The following MCF2L2 variants were observed in gnomAD, a reference collection of about 807,000 sequenced individuals.
MCF2L2 encodes MCF.2 cell line derived transforming sequence-like 2.
MCF2L2 carries 102 observed loss-of-function variants against 150.2 expected under a neutral mutation model. The observed-to-expected ratio is 0.68, with a 90% CI of 0.58 to 0.80. The LOEUF (loss-of-function observed/expected upper bound fraction) is 0.80. Ranked by LOEUF, MCF2L2 falls within the 30% of genes least tolerant of loss-of-function variation. The pLI, the probability that MCF2L2 is intolerant of heterozygous loss-of-function variation, is 0.00. For missense variants in MCF2L2, 1,256 were observed against 1,372.8 expected (o/e 0.91, Z 1.34); for synonymous variants, 465 against 491.3 (o/e 0.95, Z 0.71).
intron 2 of MCF2L2, among the ~76,000 whole-genome samples, chr3:183,384,002 C>T (rs554920381): frequency 6.6e-5 from 10 of 152,284 alleles, no homozygotes; most frequent in East Asian, 5.8e-4. Context: ...TCCCCAGACA[C>T]GCATAACAAC....
At chr3:183,290,873 T>C (rs1577030248) in intron 13 of MCF2L2, among the ~76,000 whole-genome samples, 2 of 152,146 alleles carry the variant, frequency 1.3e-5, no homozygotes, top group African/African-American at 4.8e-5. Context: ...ATGCCATTCA[T>C]TGAATGCCAC....
intron 3 of MCF2L2, among the ~76,000 whole-genome samples, chr3:183,369,761 C>T (rs1031530090): frequency 6.6e-6 from 1 of 152,146 alleles, no homozygotes; most frequent in East Asian, 1.9e-4. Flanking sequence ...CCTCCTCATT[C>T]TTTAGTTGAC....
intron 4 of MCF2L2, among the ~76,000 whole-genome samples, chr3:183,340,151 G>T (rs769998991): frequency 6.6e-6 from 1 of 152,158 alleles, no homozygotes; most frequent in Non-Finnish European, 1.5e-5. Context: ...TTAAATGCAA[G>T]CTCCTAACAG....
intron 16 of MCF2L2, 119 bp downstream of exon 16, chr3:183,230,832 G>T: frequency 1.4e-6 from 1 of 691,044 alleles, no homozygotes. Flanking sequence ...AATATTCTAA[G>T]ACCTGAAACC....
In MCF2L2 at chr3:183,179,518, A is replaced by T; in HGVS notation, c.3222-15T>A. The T allele has an allele frequency of 6.2e-7, 1 of 1,610,492 alleles. No homozygotes were observed. The highest frequency in any genetic ancestry group is 8.5e-7 in the Non-Finnish European group (1 of 1,177,520). On this transcript the variant is annotated splice_polypyrimidine_tract_variant and intron_variant, in intron 29 of 29. Transcript: ENST00000328913. This position sits in a 1 kb window ranked among gnomAD's most constrained non-coding sequence, Gnocchi z 4.2. ...TGCGGGTCGCCCTGCAATTCCGAGA[A>T]GAAAGTCAGAGACGCCGTGGCCCAA...
chr3:183,315,409 G>T (rs1560017874), intron 7 of MCF2L2, among the ~76,000 whole-genome samples: 2 of 152,160 alleles, frequency 1.3e-5, no homozygotes, highest in South Asian at 4.1e-4. Flanking sequence ...TTTTAGAGCT[G>T]CATGGAATAT....
chr3:183,184,256 G>A (rs1721622402), intron 27 of MCF2L2, among the ~76,000 whole-genome samples: 1 of 152,190 alleles, frequency 6.6e-6, no homozygotes, highest in Non-Finnish European at 1.5e-5. Context: ...GATCTCAGGT[G>A]ATCCACCTGC....
rs562142294 is a variant in MCF2L2 at position 183,300,267 on chromosome 3, G to C, written c.1114-71C>G. 4 of 1,369,498 alleles carry C rather than the reference G, an allele frequency of 2.9e-6. 1 individual carries two copies. In the East Asian group the frequency reaches 7.4e-5, roughly 25 times the overall value. 84.8% of individuals were successfully genotyped at this position (1,369,498 alleles called of 1,614,324 possible). On this transcript the variant is annotated intron_variant, in intron 10 of 29. Coordinates refer to ENST00000328913, the MANE Select transcript of MCF2L2 (RefSeq NM_015078.4). The stretch of plus-strand genomic sequence containing the variant: ...ATGAGGCTGAGAGCTGCCTGGTACT[G>C]TGTGCTCCAAGCCTGGAGGGAGGCT...
At chr3:183,231,910 A>G (rs184692273) in intron 15 of MCF2L2, among the ~76,000 whole-genome samples, 1 of 152,298 alleles carries the variant, frequency 6.6e-6, no homozygotes, top group East Asian at 1.9e-4. Flanking sequence ...TGCAGGTGGA[A>G]GATGTGGTGG....
At chr3:183,343,791 C>G (rs188020006) in intron 3 of MCF2L2, among the ~76,000 whole-genome samples, 1 of 152,172 alleles carries the variant, frequency 6.6e-6, no homozygotes, top group East Asian at 1.9e-4. Flanking sequence ...ACTAACTAAT[C>G]AAAGTAAAAA....
chr3:183,204,431 A>G (rs965079558), intron 25 of MCF2L2, among the ~76,000 whole-genome samples: 3 of 151,650 alleles, frequency 2.0e-5, no homozygotes, highest in African/African-American at 4.8e-5. Context: ...AATCACAATG[A>G]GATACTAGTA....
chr3:183,271,041 A>G, intron 15 of MCF2L2: 1 of 1,075,322 alleles, frequency 9.3e-7, no homozygotes, highest in South Asian at 1.9e-5. Flanking sequence ...CGAAAGACAA[A>G]TATTTTGAAA....
At chr3:183,404,401 C>T (rs536212686) in intron 1 of MCF2L2, among the ~76,000 whole-genome samples, 1 of 152,148 alleles carries the variant, frequency 6.6e-6, no homozygotes, top group Non-Finnish European at 1.5e-5. Context: ...GTCATTAGCT[C>T]ATATGTCATA....
intron 14 of MCF2L2, among the ~76,000 whole-genome samples, chr3:183,285,899 C>T (rs1727763258): frequency 6.6e-6 from 1 of 152,180 alleles, no homozygotes; most frequent in African/African-American, 2.4e-5. Flanking sequence ...GTGATGTTGG[C>T]AGCCCGGGGA....
At chr3:183,332,012 C>A (rs139359781) in intron 5 of MCF2L2, among the ~76,000 whole-genome samples, 1 of 152,244 alleles carries the variant, frequency 6.6e-6, no homozygotes, top group African/African-American at 2.4e-5. Flanking sequence ...TCCTTTCCCC[C>A]CAACACGTGA....
chr3:183,412,676 T>C (rs1715376186), intron 1 of MCF2L2, among the ~76,000 whole-genome samples: 1 of 152,210 alleles, frequency 6.6e-6, no homozygotes, highest in Admixed American at 6.5e-5. Context: ...ACAGATAGTT[T>C]TACTCCCTTT....
chr3:183,367,800 G>C (rs1203590573), intron 3 of MCF2L2, among the ~76,000 whole-genome samples: 1 of 152,042 alleles, frequency 6.6e-6, no homozygotes, highest in Non-Finnish European at 1.5e-5. Flanking sequence ...AAAAATGAGA[G>C]AATGAGAGAG....
At chr3:183,318,243 T>C in intron 6 of MCF2L2, 26 bp from the exon 7 acceptor site, 6 of 1,613,520 alleles carry the variant, frequency 3.7e-6, no homozygotes, top group Non-Finnish European at 4.2e-6. Context: ...ATTGTAACAA[T>C]ATGGAGAGAT....
intron 22 of MCF2L2, among the ~76,000 whole-genome samples, chr3:183,209,105 T>C (rs1722597620): frequency 6.6e-6 from 1 of 152,144 alleles, no homozygotes; most frequent in Non-Finnish European, 1.5e-5. Flanking sequence ...AACAGAAGGG[T>C]GGATAGGTCC....
Sources: allele counts gnomAD v4.1 joint callset (sites outside exome capture counted in the v4.1 genomes callset), GRCh38; gene constraint gnomAD v4.1.1; non-coding constraint Gnocchi (gnomAD v3.1); transcripts MANE v1.5; gene names NCBI Gene and HGNC (gene_info 2026-07-23, HGNC 2026-07-21).